The following RNF157 variants were observed in gnomAD, a reference collection of about 807,000 sequenced individuals.
The protein encoded by RNF157 is E3 ubiquitin ligase RNF157.
In RNF157, 55 loss-of-function variants were observed where a neutral mutation model predicts 88.3. The ratio of observed to expected loss-of-function variants is 0.62; its 90% CI spans 0.50 to 0.78. The LOEUF (loss-of-function observed/expected upper bound fraction) is 0.78. Ranked by LOEUF, RNF157 falls within the 30% of genes least tolerant of loss-of-function variation. RNF157 has a pLI of 0.00. For missense variants in RNF157, 788 were observed against 860.8 expected (o/e 0.92, Z 1.06); for synonymous variants, 334 against 341.2 (o/e 0.98, Z 0.23).
At chr17:76,194,189 CA>C (rs1440080028) in intron 2 of RNF157, among the ~76,000 whole-genome samples, 1 of 152,134 alleles carries the variant, frequency 6.6e-6, no homozygotes, top group African/African-American at 2.4e-5. Context: ...AGAACATTTC[CA>C]TTACCCCCAC....
chr17:76,190,701 C>T (rs1227331961), intron 2 of RNF157, among the ~76,000 whole-genome samples: 4 of 150,334 alleles, frequency 2.7e-5, no homozygotes, highest in East Asian at 2.0e-4. Context: ...GGGTGGATCA[C>T]GAGGTCAGGA....
At chr17:76,235,199 C>CT (rs537829366) in intron 1 of RNF157, among the ~76,000 whole-genome samples, 19,812 of 141,236 alleles carry the variant, frequency 0.14, 2,065 homozygotes, top group African/African-American at 0.28. Flanking sequence ...TAGTAGGTTA[C>CT]TTTTTTTTTT....
chr17:76,238,843 T>C (rs1409845044), intron 1 of RNF157, among the ~76,000 whole-genome samples: 1 of 152,264 alleles, frequency 6.6e-6, no homozygotes, highest in African/African-American at 2.4e-5. Context: ...ATTAAAATAC[T>C]AACGACCCAC....
intron 2 of RNF157, among the ~76,000 whole-genome samples, chr17:76,182,837 G>A (rs150691176): frequency 2.5e-5 from 2 of 79,080 alleles, no homozygotes; most frequent in Non-Finnish European, 4.9e-5. Context: ...TCCTATATAT[G>A]ATATATAGGA....
chr17:76,221,008 C>T (rs73362597), intron 1 of RNF157, among the ~76,000 whole-genome samples: 2,983 of 151,678 alleles, frequency 0.02, 107 homozygotes, highest in African/African-American at 0.068. Context: ...TTGGTCCTAG[C>T]TATTCAGGAG....
At position 76,164,665 on chromosome 17, in the gene RNF157, A is replaced by T. The variant is rs532658007; in HGVS notation, c.720+83T>A. The stretch of plus-strand genomic sequence containing the variant: ...GCAAAAAGTAAAACAAAAATAAAAA[A>T]AGAGGGAGAGAGAAGAAGAAAGGAA... On this transcript the variant is annotated intron_variant, in intron 8 of 18. Coordinates refer to ENST00000269391, the MANE Select transcript of RNF157 (RefSeq NM_052916.3). The T allele has an allele frequency of 5.0e-6, 4 of 799,658 alleles. No homozygotes were observed. In the African/African-American group the frequency reaches 7.1e-5, roughly 14 times the overall value. The allele number at this position is 799,658 out of a possible 1,614,324, so 49.5% of individuals were successfully genotyped here.
At position 76,159,477 on chromosome 17, in the gene RNF157, C is replaced by T. The variant is rs370455768; in HGVS notation, c.1162G>A (p.Val388Met). 4.3e-6 allele frequency: 7 copies of T among 1,609,516 alleles called. No homozygotes were observed. Among genetic ancestry groups the T allele is most frequent in the South Asian group, 2.2e-5 (2 of 89,858 alleles). ...TPSPAVPPLH[V>M]LGDGHLSGML... ...CCTGAGAGGTGGCCATCTCCAAGCACGTGAAGTGGAGGAACTGCTGGGGAC... is the reference window on the plus strand; with the variant it reads ...CCTGAGAGGTGGCCATCTCCAAGCATGTGAAGTGGAGGAACTGCTGGGGAC... The change falls in exon 12 of 19, where the codon GTG (valine) becomes ATG (methionine). Residue 388 changes from valine (V) to methionine (M), a missense_variant. Physicochemically the swap from Val to Met is conservative, Grantham distance 21 (BLOSUM62 1). Transcript: ENST00000269391.
chr17:76,235,444 C>T (rs112752224), intron 1 of RNF157, among the ~76,000 whole-genome samples: 20,551 of 152,064 alleles, frequency 0.14, 2,026 homozygotes, highest in African/African-American at 0.26. Flanking sequence ...GTGATCTGCC[C>T]GCCTCGGCCT....
At chr17:76,218,512 G>A (rs924682105) in intron 1 of RNF157, among the ~76,000 whole-genome samples, 7 of 152,148 alleles carry the variant, frequency 4.6e-5, no homozygotes, top group African/African-American at 1.4e-4. Context: ...AGGCATGGTG[G>A]CATGTGCTTG....
At chr17:76,178,078 A>T (rs2069133464) in intron 2 of RNF157, among the ~76,000 whole-genome samples, 1 of 152,222 alleles carries the variant, frequency 6.6e-6, no homozygotes, top group Non-Finnish European at 1.5e-5. Context: ...GTTGCAGGAC[A>T]AGAATTTTGG....
chr17:76,150,048 C>CA (rs1009560474), intron 18 of RNF157, among the ~76,000 whole-genome samples: 1 of 152,008 alleles, frequency 6.6e-6, no homozygotes, highest in Non-Finnish European at 1.5e-5. Flanking sequence ...AAACAAAAAA[C>CA]AAAAACAAAA....
chr17:76,216,475 G>A (rs980037879), intron 1 of RNF157, among the ~76,000 whole-genome samples: 2 of 152,198 alleles, frequency 1.3e-5, no homozygotes, highest in African/African-American at 4.8e-5. Context: ...GTCTGGGTGT[G>A]GTGGCTCACA....
chr17:76,197,229 C>T (rs2069493026), intron 2 of RNF157, among the ~76,000 whole-genome samples: 1 of 152,202 alleles, frequency 6.6e-6, no homozygotes, highest in South Asian at 2.1e-4. Flanking sequence ...GTATAATATC[C>T]AGGCGATTTT....
chr17:76,188,576 G>C (rs1248389749), intron 2 of RNF157, among the ~76,000 whole-genome samples: 1 of 152,142 alleles, frequency 6.6e-6, no homozygotes, highest in East Asian at 1.9e-4. Flanking sequence ...CAAAGATGGT[G>C]CAATAGATGC....
intron 18 of RNF157, among the ~76,000 whole-genome samples, chr17:76,148,381 C>T (rs531538059): frequency 4.0e-5 from 6 of 150,366 alleles, no homozygotes; most frequent in South Asian, 4.2e-4. Flanking sequence ...ATTCTACTGT[C>T]GCAGCCTCCT....
chr17:76,232,310 C>T (rs529392378), intron 1 of RNF157, among the ~76,000 whole-genome samples: 1 of 152,200 alleles, frequency 6.6e-6, no homozygotes, highest in African/African-American at 2.4e-5. Flanking sequence ...AGTGCCTGAG[C>T]CCAGTAGGTC....
At chr17:76,181,880 C>T (rs1258777756) in intron 2 of RNF157, among the ~76,000 whole-genome samples, 4 of 148,782 alleles carry the variant, frequency 2.7e-5, no homozygotes, top group African/African-American at 7.5e-5. Flanking sequence ...TGCACTCCAG[C>T]CTGGGTGACC....
rs1402422983 is a variant in RNF157 at position 76,195,005 on chromosome 17, A to T, written c.207+17359T>A. ...ACTCCAGCCTGGGTGACAGAGCGAG[A>T]CTCTGTCTCAAAAAAACAAAACAAA... On this transcript the variant is annotated intron_variant, in intron 2 of 18. Transcript: ENST00000269391. The surrounding 1 kb of genome is among the most constrained non-coding windows in gnomAD (Gnocchi z 4.4). Among the ~76,000 whole-genome samples the T allele has an allele frequency of 6.6e-6, 1 of 152,084 alleles. No individual in the cohort carries two copies. Among genetic ancestry groups the T allele is most frequent in the Non-Finnish European group, 1.5e-5 (1 of 68,014 alleles).
intron 9 of RNF157, 151 bp from the exon 10 acceptor site, chr17:76,162,153 T>C (rs2144838652): frequency 1.3e-6 from 1 of 741,592 alleles, no homozygotes; most frequent in East Asian, 2.7e-5. Flanking sequence ...TCCCAGTGCG[T>C]CCACACACTT....
Sources: allele counts gnomAD v4.1 joint callset (sites outside exome capture counted in the v4.1 genomes callset), GRCh38; gene constraint gnomAD v4.1.1; non-coding constraint Gnocchi (gnomAD v3.1); transcripts MANE v1.5; gene names NCBI Gene and HGNC (gene_info 2026-07-23, HGNC 2026-07-21).